CACNA1C: variants seen among roughly 807,000 people sequenced by gnomAD.
CACNA1C encodes voltage-dependent L-type calcium channel subunit alpha-1C.
In CACNA1C, 30 loss-of-function variants were observed where a neutral mutation model predicts 229.0. The observed-to-expected ratio is 0.13, with a 90% CI of 0.10 to 0.18. The LOEUF is 0.18. CACNA1C is among the 10% of genes least tolerant of loss of function. CACNA1C has a pLI of 1.00. For missense variants in CACNA1C, 1,658 were observed against 2,845.0 expected (o/e 0.58, Z 9.49); for synonymous variants, 1,114 against 1,132.5 (o/e 0.98, Z 0.33).
chr12:2,480,674 T>G (rs1324886276), intron 5 of CACNA1C, among the ~76,000 whole-genome samples: 1 of 152,240 alleles, frequency 6.6e-6, no homozygotes, highest in African/African-American at 2.4e-5. Context: ...GAGAAACTTG[T>G]ACCCACCAAC....
At chr12:2,203,540 A>G (rs1463871678) in intron 3 of CACNA1C, among the ~76,000 whole-genome samples, 1 of 152,196 alleles carries the variant, frequency 6.6e-6, no homozygotes, top group African/African-American at 2.4e-5. Context: ...CCTCTGTTAC[A>G]GGACGGATTA....
intron 3 of CACNA1C, among the ~76,000 whole-genome samples, chr12:2,237,388 A>T (rs1566593289): frequency 2.0e-5 from 3 of 152,196 alleles, no homozygotes; most frequent in Non-Finnish European, 4.4e-5. Flanking sequence ...CTGTGACAGG[A>T]CCTAATGTTT....
At chr12:2,101,807 C>T (rs137981099) in intron 1 of CACNA1C, among the ~76,000 whole-genome samples, 1 of 152,170 alleles carries the variant, frequency 6.6e-6, no homozygotes, top group East Asian at 1.9e-4. Context: ...TAAAAACTGC[C>T]CTCACAAGGT....
At chr12:2,171,376 C>A (rs1371326652) in intron 3 of CACNA1C, among the ~76,000 whole-genome samples, 1 of 152,224 alleles carries the variant, frequency 6.6e-6, no homozygotes, top group South Asian at 2.1e-4. Flanking sequence ...CACACGCCAT[C>A]CCCACATGCT....
In CACNA1C at chr12:2,576,012, A is replaced by G. The variant is rs369615230; in HGVS notation, c.1896-5578A>G. 4.6e-5 allele frequency among the ~76,000 whole-genome samples: 7 copies of G among 152,306 alleles called. No individual in the cohort carries two copies. In the South Asian group the frequency reaches 6.2e-4, roughly 14 times the overall value. On this transcript the variant is annotated intron_variant, in intron 13 of 46. Transcript: ENST00000399655. Reference sequence around the variant, plus strand: ...AAGGATTTCTGAACAGATGGTGGTAACTTAAATCAGGAGAGGCAGAGGGAA... The same window carrying G: ...AAGGATTTCTGAACAGATGGTGGTAGCTTAAATCAGGAGAGGCAGAGGGAA...
In CACNA1C at chr12:2,557,039, G is replaced by T. The variant is rs980026090; in HGVS notation, c.1508+62G>T. On this transcript the variant is annotated intron_variant, in intron 11 of 46. Transcript: ENST00000399655. Reference sequence around the variant, plus strand: ...CACCAGCTCTGTCTTCAGCCACCCTGTTGGGTGGCCCAAGGTAATACCTAC... The same window carrying T: ...CACCAGCTCTGTCTTCAGCCACCCTTTTGGGTGGCCCAAGGTAATACCTAC... The T allele has an allele frequency of 3.5e-6, 5 of 1,418,546 alleles. No individual in the cohort carries two copies. The African/African-American group carries it at 4.2e-5, about 12-fold the overall frequency. The allele number at this position is 1,418,546 out of a possible 1,614,324, so 87.9% of individuals were successfully genotyped here. A position where few individuals can be genotyped will look rare whatever the true frequency, so the allele number is the denominator to read the frequency against.
intron 1 of CACNA1C, among the ~76,000 whole-genome samples, chr12:2,035,719 CTT>C (rs1441253567): frequency 6.6e-6 from 1 of 152,224 alleles, no homozygotes; most frequent in Admixed American, 6.5e-5. Flanking sequence ...AGGGGATCAT[CTT>C]ATTATTTTCC....
chr12:2,091,979 G>A (rs2071341017), intron 1 of CACNA1C, among the ~76,000 whole-genome samples: 1 of 152,190 alleles, frequency 6.6e-6, no homozygotes, highest in African/African-American at 2.4e-5. Context: ...GGGTGGGCCA[G>A]GTGCTCTTTA....
At chr12:2,497,894 C>T (rs1222632110) in intron 7 of CACNA1C, among the ~76,000 whole-genome samples, 1 of 151,866 alleles carries the variant, frequency 6.6e-6, no homozygotes, top group Non-Finnish European at 1.5e-5. Flanking sequence ...TTTCATAAGT[C>T]ACTTGTCAGC....
chr12:2,351,766 A>T (rs1413505609), intron 3 of CACNA1C, among the ~76,000 whole-genome samples: 1 of 152,096 alleles, frequency 6.6e-6, no homozygotes, highest in Non-Finnish European at 1.5e-5. Context: ...GTTTCCTCCC[A>T]TGTGGGTTCT....
chr12:2,286,934 G>C (rs1191047886), intron 3 of CACNA1C, among the ~76,000 whole-genome samples: 1 of 152,224 alleles, frequency 6.6e-6, no homozygotes, highest in African/African-American at 2.4e-5. Context: ...GAACGCCAGA[G>C]GAATTTTAAG....
intron 8 of CACNA1C, among the ~76,000 whole-genome samples, chr12:2,506,181 G>A (rs1426862709): frequency 1.3e-5 from 2 of 152,164 alleles, no homozygotes; most frequent in Non-Finnish European, 2.9e-5. Context: ...GGAGACTAGT[G>A]CCTTCCATCA....
rs529138162 is a variant in CACNA1C at position 2,043,812 on chromosome 12, C to T, written c.140-71412C>T. ...CTGGGACTACAGGCGCCCGCCATTGCGCCCGGCTAATTTTTTGTATTTTTA... is the reference window on the plus strand; with the variant it reads ...CTGGGACTACAGGCGCCCGCCATTGTGCCCGGCTAATTTTTTGTATTTTTA... On this transcript the variant is annotated intron_variant, in intron 1 of 46. Transcript: ENST00000682462. 3.3e-4 allele frequency among the ~76,000 whole-genome samples: 45 copies of T among 135,276 alleles called. 1 individual carries two copies. The highest frequency in any genetic ancestry group is 1.8e-3 in the East Asian group (9 of 4,950). 88.7% of individuals were successfully genotyped at this position (135,276 alleles called of 152,430 possible). A position where few individuals can be genotyped will look rare whatever the true frequency, so the allele number is the denominator to read the frequency against.
chr12:2,231,183 CCTCTTCCTAA>C (rs2065007348), intron 3 of CACNA1C, among the ~76,000 whole-genome samples: 1 of 152,120 alleles, frequency 6.6e-6, no homozygotes, highest in Non-Finnish European at 1.5e-5. Flanking sequence ...ATATGTCATC[CCTCTTCCTAA>C]GGCTGGAGAC....
intron 3 of CACNA1C, among the ~76,000 whole-genome samples, chr12:2,320,890 C>T (rs1054303659): frequency 1.3e-5 from 2 of 152,124 alleles, no homozygotes; most frequent in African/African-American, 2.4e-5. Flanking sequence ...ACCTATGGCT[C>T]GGGGATAGTC....
At chr12:2,243,731 C>A (rs1365389441) in intron 3 of CACNA1C, among the ~76,000 whole-genome samples, 1 of 152,176 alleles carries the variant, frequency 6.6e-6, no homozygotes, top group Non-Finnish European at 1.5e-5. Context: ...ATGTGTAGTC[C>A]AGTTATAAAT....
intron 1 of CACNA1C, among the ~76,000 whole-genome samples, chr12:1,996,616 T>TAAAAAAAAAAAAAAAAAAAAAAAAA (rs78563698): frequency 5.3e-5 from 1 of 18,832 alleles, no homozygotes; most frequent in Non-Finnish European, 9.5e-5. Context: ...GCTGATGAGC[T>TAAAAAAAAAAAAAAAAAAAAAAAAA]AAAAAAAAAA....
Position 2,694,746 on chromosome 12 carries a change from T to C in CACNA1C, c.*3547T>C, listed in dbSNP as rs573870013. On this transcript the variant is annotated 3_prime_UTR_variant, in exon 47 of 47. Transcript: ENST00000399655. ...GGCAACCTCAGGAGAAGCAGACCTT[T>C]CCATGCCCAAGTTCATCTCCTGAGC... 6.6e-6 allele frequency: 1 copy of C among 152,342 alleles called. No individual in the cohort carries two copies. Among genetic ancestry groups the C allele is most frequent in the South Asian group, 2.1e-4 (1 of 4,828 alleles). The allele number at this position is 152,342 out of a possible 1,614,324, so 9.4% of individuals were successfully genotyped here. A position where few individuals can be genotyped will look rare whatever the true frequency, so the allele number is the denominator to read the frequency against.
intron 3 of CACNA1C, among the ~76,000 whole-genome samples, chr12:2,178,389 A>T (rs903839577): frequency 6.6e-6 from 1 of 152,230 alleles, no homozygotes; most frequent in African/African-American, 2.4e-5. Flanking sequence ...TGCTTTTTGC[A>T]TGGGATGAAC....
Sources: gnomAD v4.1 joint callset for allele counts (sites outside exome capture counted in the v4.1 genomes callset) on GRCh38, gnomAD v4.1.1 for gene constraint, MANE v1.5 for transcripts, NCBI Gene and HGNC (gene_info 2026-07-23, HGNC 2026-07-21) for gene names.